PHEX: variants seen among roughly 807,000 people sequenced by gnomAD.
The protein encoded by PHEX is phosphate regulating endopeptidase X-linked, also known as phosphate-regulating neutral endopeptidase PHEX.
PHEX carries 16 observed loss-of-function variants against 68.0 expected under a neutral mutation model. The ratio of observed to expected loss-of-function variants is 0.24; its 90% CI spans 0.16 to 0.36. The LOEUF (loss-of-function observed/expected upper bound fraction) is 0.36. PHEX is among the 10% of genes least tolerant of loss of function. The pLI is 1.00. For synonymous variants in PHEX, 208 were observed against 205.1 expected, an observed-to-expected ratio of 1.01 and a Z score of -0.12; for missense variants, 480 against 575.5, an observed-to-expected ratio of 0.83 and a Z score of 1.70.
chrX:22,161,281 C>T (rs1189570713), intron 12 of PHEX, among the ~76,000 whole-genome samples: 2 of 112,284 alleles, frequency 1.8e-5, no homozygotes, highest in African/African-American at 6.5e-5. Flanking sequence ...TTAATGTTAG[C>T]TGGGCATGGT....
At position 22,212,755 on chromosome X, in the gene PHEX, T is replaced by C. The variant is rs189563831; in HGVS notation, c.1646-149T>C. On this transcript the variant is annotated intron_variant, in intron 15 of 21. Transcript: ENST00000379374. ...TTCAAACTCAGTTGAATTGATATCATTGAGACAGCTAGATCTCTTAGAGGG... is the reference window on the plus strand; with the variant it reads ...TTCAAACTCAGTTGAATTGATATCACTGAGACAGCTAGATCTCTTAGAGGG... 292 of 534,621 alleles carry C rather than the reference T, an allele frequency of 5.5e-4. 4 individuals carry two copies. In the African/African-American group the frequency reaches 6.1e-3, roughly 11 times the overall value. 44.1% of individuals were successfully genotyped at this position (534,621 alleles called of 1,213,427 possible). A position where few individuals can be genotyped will look rare whatever the true frequency, so the allele number is the denominator to read the frequency against.
At chrX:22,068,232 C>T (rs1928703564) in intron 3 of PHEX, among the ~76,000 whole-genome samples, 1 of 111,670 alleles carries the variant, frequency 9.0e-6, no homozygotes, top group African/African-American at 3.3e-5. Flanking sequence ...TGAGGACCAG[C>T]CAACTTTGTT....
chrX:22,107,371 A>C (rs952522064), intron 9 of PHEX, among the ~76,000 whole-genome samples: 2 of 111,638 alleles, frequency 1.8e-5, no homozygotes, highest in Non-Finnish European at 1.9e-5. Context: ...CTGGCTGTTG[A>C]CCTCCTTCTC....
Position 22,249,455 on chromosome X carries a change from A to AAAAAAAAATATATATATATATATATATAT in PHEX, c.*1503_*1504insAAAAAAATATATATATATATATATATATA. ...TTGTGATTCTTTTAAAAAAAAAAAA[A>AAAAAAAAATATATATATATATATATATAT]ATATATATATATATATATATATATA... On this transcript the variant is annotated 3_prime_UTR_variant, in exon 22 of 22. Transcript: ENST00000379374. The AAAAAAAAATATATATATATATATATATAT allele has an allele frequency of 2.5e-5, 1 of 39,764 alleles. No individual in the cohort carries two copies. Among genetic ancestry groups the AAAAAAAAATATATATATATATATATATAT allele is most frequent in the Non-Finnish European group, 4.1e-5 (1 of 24,474 alleles). 3.3% of individuals were successfully genotyped at this position (39,764 alleles called of 1,213,427 possible).
intron 13 of PHEX, among the ~76,000 whole-genome samples, chrX:22,177,654 T>C (rs1933752280): frequency 8.9e-6 from 1 of 112,386 alleles, no homozygotes; most frequent in Non-Finnish European, 1.9e-5. Context: ...ATGATTTGCC[T>C]CTGTAATTTC....
chrX:22,101,198 A>G (rs1205744130), intron 9 of PHEX, among the ~76,000 whole-genome samples: 1 of 111,505 alleles, frequency 9.0e-6, no homozygotes, highest in Non-Finnish European at 1.9e-5. Context: ...AATAAAAATA[A>G]AGCCAAATCC....
chrX:22,066,285 C>T (rs971208979), intron 3 of PHEX, among the ~76,000 whole-genome samples: 43 of 111,820 alleles, frequency 3.8e-4, no homozygotes, highest in African/African-American at 1.4e-3. Context: ...TTTACAGGCC[C>T]CATCATGTTG....
intron 14 of PHEX, among the ~76,000 whole-genome samples, chrX:22,180,168 C>T (rs921394375): frequency 9.0e-6 from 1 of 111,219 alleles, no homozygotes; most frequent in African/African-American, 3.3e-5. Flanking sequence ...TAGCTTAGTG[C>T]TCAATCAGTG....
At chrX:22,069,392 A>G (rs1928785948) in intron 3 of PHEX, among the ~76,000 whole-genome samples, 1 of 112,058 alleles carries the variant, frequency 8.9e-6, no homozygotes, top group African/African-American at 3.2e-5. Context: ...GATAATAAGT[A>G]TAATTCTTAT....
intron 11 of PHEX, among the ~76,000 whole-genome samples, chrX:22,121,250 T>C (rs1931473630): frequency 8.9e-6 from 1 of 112,134 alleles, no homozygotes; most frequent in African/African-American, 3.2e-5. Context: ...CAAAGATAGC[T>C]GGAGATTTAT....
intron 5 of PHEX, among the ~76,000 whole-genome samples, chrX:22,080,673 C>A (rs1008733569): frequency 8.1e-5 from 9 of 110,852 alleles, no homozygotes; most frequent in African/African-American, 3.0e-4. Flanking sequence ...AAGCCCCCCC[C>A]ACTTATAGGT....
intron 12 of PHEX, among the ~76,000 whole-genome samples, chrX:22,165,715 G>A (rs1292323141): frequency 5.4e-5 from 6 of 112,105 alleles, no homozygotes; most frequent in Admixed American, 9.5e-5. Flanking sequence ...TCAGAGCCCT[G>A]ACAGTGTACT....
chrX:22,170,447 C>A (rs953510650), intron 13 of PHEX, among the ~76,000 whole-genome samples: 2 of 111,416 alleles, frequency 1.8e-5, no homozygotes, highest in African/African-American at 3.3e-5. Flanking sequence ...CCTCTCTGTG[C>A]CTTTCTTCAT....
intron 12 of PHEX, among the ~76,000 whole-genome samples, chrX:22,155,563 T>A (rs1395288209): frequency 2.7e-5 from 3 of 112,074 alleles, no homozygotes; most frequent in Admixed American, 1.9e-4. Context: ...AAAATGTTTT[T>A]AAATAATTTG....
At position 22,047,058 on chromosome X, in the gene PHEX, A is replaced by G. The variant is rs779373231; in HGVS notation, c.196A>G (p.Ile66Val). Residue 66 changes from isoleucine (I) to valine (V), a missense_variant, in exon 3 of 22, where the codon ATC (isoleucine) becomes GTC (valine). Ile to Val is a conservative substitution (Grantham distance 29, BLOSUM62 3). Transcript: ENST00000379374. ...KPECIEAAAA[I>V]LSKVNLSVDP... The stretch of plus-strand genomic sequence containing the variant: ...ATTTTCTTTCTAAATAGCTGCTGCC[A>G]TCTTAAGTAAAGTAAATCTGTCTGT... 8.3e-7 allele frequency: 1 copy of G among 1,207,984 alleles called. No individual in the cohort carries two copies. Among genetic ancestry groups the G allele is most frequent in the Non-Finnish European group, 1.1e-6 (1 of 891,853 alleles).
intron 18 of PHEX, among the ~76,000 whole-genome samples, chrX:22,225,830 G>A (rs1032563244): frequency 8.9e-6 from 1 of 112,261 alleles, no homozygotes; most frequent in Non-Finnish European, 1.9e-5. Flanking sequence ...TTAAAGTTTT[G>A]AGAAACAATC....
chrX:22,132,607 T>A (rs1259560459), intron 11 of PHEX, among the ~76,000 whole-genome samples: 1 of 111,866 alleles, frequency 8.9e-6, no homozygotes, highest in Non-Finnish European at 1.9e-5. Context: ...CCCTGCCCGT[T>A]TCTCTGTGTT....
chrX:22,087,142 A>G (rs1929660825), intron 5 of PHEX, among the ~76,000 whole-genome samples: 1 of 112,320 alleles, frequency 8.9e-6, no homozygotes, highest in African/African-American at 3.2e-5. Context: ...TTTTACAATA[A>G]GTGGATTTAA....
intron 3 of PHEX, among the ~76,000 whole-genome samples, chrX:22,053,154 T>C (rs975770134): frequency 2.7e-5 from 3 of 112,022 alleles, no homozygotes; most frequent in African/African-American, 9.7e-5. Flanking sequence ...TATCAAATGC[T>C]TTAAGTTTTA....
Sources: gnomAD v4.1 joint callset for allele counts (sites outside exome capture counted in the v4.1 genomes callset) on GRCh38, gnomAD v4.1.1 for gene constraint, MANE v1.5 for transcripts, NCBI Gene and HGNC (gene_info 2026-07-23, HGNC 2026-07-21) for gene names.